ATP10B: variants seen among roughly 807,000 people sequenced by gnomAD.
ATP10B encodes the protein phospholipid-transporting ATPase VB.
ATP10B carries 122 observed loss-of-function variants against 141.2 expected under a neutral mutation model. The observed-to-expected ratio is 0.86, with a 90% CI of 0.75 to 1.00. The LOEUF (loss-of-function observed/expected upper bound fraction) is 1.00, where lower values mean the gene tolerates loss of function less well. Ranked by LOEUF, ATP10B falls within the 50% of genes least tolerant of loss-of-function variation. The pLI is 0.00. For synonymous variants in ATP10B, 685 were observed against 692.0 expected (o/e 0.99, Z 0.16); for missense variants, 1,876 against 1,825.3 (o/e 1.03, Z -0.51).
At chr5:160,800,250 C>T (rs1430808251) in intron 1 of ATP10B, among the ~76,000 whole-genome samples, 1 of 152,110 alleles carries the variant, frequency 6.6e-6, no homozygotes, top group Non-Finnish European at 1.5e-5. Flanking sequence ...TAAACAACTT[C>T]GATTAGTTGC....
Position 160,687,864 on chromosome 5 carries a change from T to C in ATP10B, c.211A>G (p.Thr71Ala). 6.2e-7 allele frequency: 1 copy of C among 1,614,148 alleles called. No individual in the cohort carries two copies. Among genetic ancestry groups the C allele is most frequent in the Non-Finnish European group, 8.5e-7 (1 of 1,180,020 alleles). The part of the protein sequence containing the change: ...EVSRRYPGNR[T>A]CTTKYTLFTF... ...AAGAGGGTGTATTTGGTTGTGCAGGTTCTGTTGCCAGGGTATCTCCTGGAG... is the reference window on the plus strand; with the variant it reads ...AAGAGGGTGTATTTGGTTGTGCAGGCTCTGTTGCCAGGGTATCTCCTGGAG... Residue 71 changes from threonine to alanine, a missense_variant, in exon 5 of 26, where the codon ACC (threonine) becomes GCC (alanine). By Grantham distance (58) the Thr-to-Ala change is moderately conservative. Transcript: ENST00000327245.
chr5:160,720,237 C>G (rs1385637084), intron 2 of ATP10B, among the ~76,000 whole-genome samples: 2 of 152,150 alleles, frequency 1.3e-5, no homozygotes, highest in East Asian at 1.9e-4. Context: ...AATACCAACA[C>G]TAATCATGAA....
chr5:160,767,452 G>T, intron 2 of ATP10B, among the ~76,000 whole-genome samples: 1 of 152,210 alleles, frequency 6.6e-6, no homozygotes, highest in South Asian at 2.1e-4. Flanking sequence ...GATATTAAGC[G>T]TATTTTCTGA....
At chr5:160,755,822 A>T (rs1326008235) in intron 2 of ATP10B, among the ~76,000 whole-genome samples, 19 of 56,528 alleles carry the variant, frequency 3.4e-4, no homozygotes, top group East Asian at 9.6e-4. Context: ...CTCAAAAAAA[A>T]AAAAAAAAAA....
chr5:160,638,326 T>C (rs2127671750), intron 10 of ATP10B, among the ~76,000 whole-genome samples: 1 of 152,224 alleles, frequency 6.6e-6, no homozygotes, highest in Middle Eastern at 3.4e-3. Flanking sequence ...CCTGTGACCT[T>C]TTAATCATTA....
rs752017849 is a variant in ATP10B, at chr5:160,620,518, G to T, written c.2245C>A (p.Arg749Ser). Reference protein sequence around the residue: ...VSRTPEQVTVRLPQGTCLTFS... With the variant: ...VSRTPEQVTVSLPQGTCLTFS... ...GTGAGGCAGGTGCCCTGGGGCAGGC[G>T]CACAGTCACCTGCTCAGGTGTCCGG... is the stretch of plus-strand genomic sequence containing the variant. The change falls in exon 15 of 26, where the codon CGC becomes AGC. Residue 749 changes from arginine (R) to serine (S), a missense_variant. By Grantham distance (110) the Arg-to-Ser change is moderately radical (BLOSUM62 -1). Transcript: ENST00000327245. 5 of 1,614,096 alleles carry T rather than the reference G, an allele frequency of 3.1e-6. No individual in the cohort carries two copies. The highest frequency in any genetic ancestry group is 1.6e-4 in the Middle Eastern group (1 of 6,062).
chr5:160,888,144 T>A, the ATP10B span, among the ~76,000 whole-genome samples: 2 of 152,250 alleles, frequency 1.3e-5, no homozygotes, highest in Non-Finnish European at 2.9e-5. Flanking sequence ...AAGTGTAGAC[T>A]GGCCTCTGTA....
chr5:160,839,487 A>C (rs941356472), intron 1 of ATP10B, among the ~76,000 whole-genome samples: 9 of 152,212 alleles, frequency 5.9e-5, no homozygotes, highest in African/African-American at 2.2e-4. Context: ...AGGGTACCAC[A>C]AAGGTATAAA....
At chr5:160,810,984 TC>T (rs1202736355) in intron 1 of ATP10B, among the ~76,000 whole-genome samples, 1 of 152,182 alleles carries the variant, frequency 6.6e-6, no homozygotes, top group African/African-American at 2.4e-5. Context: ...AAATCAAAAG[TC>T]CAGTAGGATA....
the ATP10B span, among the ~76,000 whole-genome samples, chr5:160,904,945 G>A: frequency 5.3e-5 from 8 of 152,336 alleles, no homozygotes; most frequent in South Asian, 1.5e-3. Context: ...TTTTGCAAAT[G>A]GGGAGACTGA....
At chr5:160,823,647 G>A (rs951979617) in intron 1 of ATP10B, among the ~76,000 whole-genome samples, 4 of 152,094 alleles carry the variant, frequency 2.6e-5, no homozygotes, top group African/African-American at 9.7e-5. Context: ...ATGAGGTCAG[G>A]AGATCGAGAC....
chr5:160,615,816 A>C (rs1395118973), intron 17 of ATP10B, 22 bp downstream of exon 17: 1 of 1,604,820 alleles, frequency 6.2e-7, no homozygotes, highest in East Asian at 2.2e-5. Flanking sequence ...TTTTCCTATA[A>C]TAATGACTTA....
intron 2 of ATP10B, among the ~76,000 whole-genome samples, chr5:160,782,438 T>TACACACACAC (rs57112303): frequency 0.014 from 2,020 of 141,132 alleles, 19 homozygotes; most frequent in Non-Finnish European, 0.018. Flanking sequence ...TCTTCCTCCA[T>TACACACACAC]ACACACACAC....
chr5:160,724,634 C>T (rs1377108033), intron 2 of ATP10B, among the ~76,000 whole-genome samples: 1 of 152,146 alleles, frequency 6.6e-6, no homozygotes, highest in Non-Finnish European at 1.5e-5. Context: ...CTAAGTTCCC[C>T]TTCTCTCTTG....
chr5:160,895,335 C>T, the ATP10B span, among the ~76,000 whole-genome samples: 1 of 151,918 alleles, frequency 6.6e-6, no homozygotes. Flanking sequence ...CACACATAGG[C>T]TCAAAATAAA....
chr5:160,907,048 T>C, the ATP10B span, among the ~76,000 whole-genome samples: 1 of 152,208 alleles, frequency 6.6e-6, no homozygotes, highest in African/African-American at 2.4e-5. Flanking sequence ...ACCTCTTTCC[T>C]GTGTGGAGCC....
chr5:160,792,097 A>G lies in ATP10B; in HGVS notation c.-575-6294T>C, dbSNP rs76151474. ...CCTCCAATAAGTTTTCCTAAATTCTACTCAGAGGAAATAAATCCCCCCCTC... is the reference window on the plus strand; with the variant it reads ...CCTCCAATAAGTTTTCCTAAATTCTGCTCAGAGGAAATAAATCCCCCCCTC... On this transcript the variant is annotated intron_variant, in intron 1 of 25. Coordinates refer to ENST00000327245, the MANE Select transcript of ATP10B (RefSeq NM_025153.3). 8.1e-4 allele frequency among the ~76,000 whole-genome samples: 123 copies of G among 152,132 alleles called. 3 individuals are homozygous for G. The East Asian group carries it at 0.021, about 26-fold the overall frequency.
At chr5:160,666,945 A>G (rs1246428700) in intron 7 of ATP10B, among the ~76,000 whole-genome samples, 1 of 152,138 alleles carries the variant, frequency 6.6e-6, no homozygotes, top group Non-Finnish European at 1.5e-5. Context: ...GGGACCGGGC[A>G]CAGTGGCTCA....
chr5:160,607,805 T>A (rs1016029433), intron 18 of ATP10B, among the ~76,000 whole-genome samples: 2 of 152,206 alleles, frequency 1.3e-5, no homozygotes, highest in African/African-American at 4.8e-5. Context: ...CCTTTTTCAA[T>A]TTTTTCTTCC....
Sources: allele counts gnomAD v4.1 joint callset (sites outside exome capture counted in the v4.1 genomes callset), GRCh38; gene constraint gnomAD v4.1.1; transcripts MANE v1.5; gene names NCBI Gene and HGNC (gene_info 2026-07-23, HGNC 2026-07-21).